CARD14: variants seen among roughly 807,000 people sequenced by gnomAD.
CARD14 encodes the protein caspase recruitment domain family member 14.
Under a neutral mutation model 111.5 loss-of-function variants are expected in CARD14, and 107 were observed. The ratio of observed to expected loss-of-function variants is 0.96; its 90% CI spans 0.82 to 1.13. The LOEUF is 1.13. CARD14 is among the 50% of genes most tolerant of loss of function. The pLI, the probability that CARD14 is intolerant of heterozygous loss-of-function variation, is 0.00. For synonymous variants in CARD14, 617 were observed against 579.6 expected (o/e 1.06, Z -0.93); for missense variants, 1,322 against 1,362.3 (o/e 0.97, Z 0.47).
intron 6 of CARD14, among the ~76,000 whole-genome samples, chr17:80,183,536 A>G (rs1461695877): frequency 3.3e-5 from 5 of 152,190 alleles, no homozygotes; most frequent in African/African-American, 4.8e-5. Flanking sequence ...GGAAGGTCAG[A>G]GTGGGTAACC....
Position 80,195,454 on chromosome 17 carries a change from C to G in CARD14, c.1500-104C>G. ...TATTGCAGGCAGCAGCTCCTGCCCT[C>G]GAAGCCCCAGAGCTGGCAGGTGCTG... is the stretch of plus-strand genomic sequence containing the variant. On this transcript the variant is annotated intron_variant, in intron 13 of 23. Transcript: ENST00000648509. The surrounding 1 kb of genome is among the most constrained non-coding windows in gnomAD (Gnocchi z 4.7). The G allele has an allele frequency of 1.3e-6, 2 of 1,500,956 alleles. No homozygotes were observed. Among genetic ancestry groups the G allele is most frequent in the African/African-American group, 2.8e-5 (2 of 72,598 alleles). The allele number at this position is 1,500,956 out of a possible 1,614,324, so 93.0% of individuals were successfully genotyped here. A position where few individuals can be genotyped will look rare whatever the true frequency, so the allele number is the denominator to read the frequency against.
At chr17:80,207,824 G>C (rs1166748091) in intron 23 of CARD14, 2 of 308,274 alleles carry the variant, frequency 6.5e-6, no homozygotes, top group Admixed American at 5.0e-5. Context: ...TCCACTTACT[G>C]GTGCTTGGCT....
intron 21 of CARD14, 65 bp from the exon 22 acceptor site, chr17:80,205,466 C>T: frequency 6.4e-7 from 1 of 1,550,704 alleles, no homozygotes; most frequent in Non-Finnish European, 8.7e-7. Context: ...GGGGTGTTTA[C>T]CATGGGACTC....
intron 7 of CARD14, 123 bp downstream of exon 7, chr17:80,184,361 G>A (rs145182867): frequency 2.5e-5 from 22 of 895,094 alleles, no homozygotes; most frequent in Admixed American, 2.5e-4. Context: ...TCCCTGCCCC[G>A]AGAGCCTTGG....
chr17:80,194,012 T>C (rs2040621150), intron 12 of CARD14, among the ~76,000 whole-genome samples: 1 of 152,022 alleles, frequency 6.6e-6, no homozygotes, highest in African/African-American at 2.4e-5. Context: ...AACTGACCGA[T>C]CAGCTGCCCT....
Position 80,195,398 on chromosome 17 carries a change from A to G in CARD14, c.1499+65A>G. 6.4e-7 allele frequency: 1 copy of G among 1,563,448 alleles called. No homozygotes were observed. The highest frequency in any genetic ancestry group is 8.7e-7 in the Non-Finnish European group (1 of 1,150,712). The stretch of plus-strand genomic sequence containing the variant: ...GGGGTCCTTCCTGGCAACTCACCAG[A>G]GACACCAACCTAGACCTCAGGGCAT... On this transcript the variant is annotated intron_variant, in intron 13 of 23. Transcript: ENST00000648509. This position sits in a 1 kb window ranked among gnomAD's most constrained non-coding sequence, Gnocchi z 4.7.
At chr17:80,176,459 AAG>A (rs2040028691) in intron 2 of CARD14, among the ~76,000 whole-genome samples, 6 of 150,486 alleles carry the variant, frequency 4.0e-5, no homozygotes, top group South Asian at 4.2e-4. Flanking sequence ...AAAAAAAAAA[AAG>A]GAAGAGCTAT....
chr17:80,192,226 GTA>G, intron 11 of CARD14: 1 of 322,298 alleles, frequency 3.1e-6, no homozygotes, highest in Non-Finnish European at 5.8e-6. Context: ...GTATGTGTGT[GTA>G]TTATACATTA....
In CARD14 at chr17:80,182,858, T is replaced by C; in HGVS notation, c.349+68T>C. ...ACCTCAGGCTCCTGGTAACCCCAGG[T>C]GCCCCGCTTACTTGCCGATTTGCCC... On this transcript the variant is annotated intron_variant, in intron 6 of 23. Transcript: ENST00000648509. This position sits in a 1 kb window ranked among gnomAD's most constrained non-coding sequence, Gnocchi z 4.7. 1 of 1,583,484 alleles carries C rather than the reference T, an allele frequency of 6.3e-7. No individual in the cohort carries two copies.
chr17:80,199,550 A>G (rs1386801687), intron 16 of CARD14, among the ~76,000 whole-genome samples: 2 of 128,996 alleles, frequency 1.6e-5, no homozygotes, highest in Admixed American at 1.7e-4. Context: ...TGACAGAGCA[A>G]AGCCTTGTCT....
intron 2 of CARD14, among the ~76,000 whole-genome samples, chr17:80,177,918 C>T (rs1348183768): frequency 1.3e-5 from 2 of 152,108 alleles, no homozygotes; most frequent in Admixed American, 6.6e-5. Flanking sequence ...ATTACGTTGG[C>T]AGAGACTTAT....
chr17:80,174,109 G>A (rs1052969989), intron 2 of CARD14, among the ~76,000 whole-genome samples: 5 of 152,160 alleles, frequency 3.3e-5, no homozygotes, highest in East Asian at 1.9e-4. Flanking sequence ...AGGCAGAGGC[G>A]GGAGGAGTGC....
chr17:80,190,589 G>T lies in CARD14; in HGVS notation c.964-185G>T, dbSNP rs572453520. Among the ~76,000 whole-genome samples, 3 of 151,188 alleles carry T rather than the reference G, an allele frequency of 2.0e-5. No homozygotes were observed. In the East Asian group the frequency reaches 5.8e-4, roughly 29 times the overall value. ...GATTGCGCCATTGCACTCCAGCCTT[G>T]GCATCGCAGCGAGTCTCTGTCTCAA... On this transcript the variant is annotated intron_variant, in intron 9 of 23. Coordinates refer to ENST00000648509, the MANE Select transcript of CARD14 (RefSeq NM_001366385.1).
intron 14 of CARD14, chr17:80,196,347 T>C (rs1264204756): frequency 6.6e-6 from 1 of 152,218 alleles, no homozygotes; most frequent in Non-Finnish European, 1.5e-5. Context: ...TGGGGACTCA[T>C]ACACGTTTTT....
chr17:80,197,689 A>G (rs935856179), intron 14 of CARD14, among the ~76,000 whole-genome samples: 1 of 152,240 alleles, frequency 6.6e-6, no homozygotes, highest in African/African-American at 2.4e-5. Flanking sequence ...CCAGGGTTAC[A>G]GCAGATATTT....
intron 1 of CARD14, among the ~76,000 whole-genome samples, chr17:80,171,462 C>T (rs1001900682): frequency 6.6e-6 from 1 of 151,882 alleles, no homozygotes; most frequent in African/African-American, 2.4e-5. Context: ...GGATTACAGG[C>T]CTGAGCCACT....
intron 20 of CARD14, chr17:80,204,832 G>C: frequency 1.8e-6 from 1 of 547,536 alleles, no homozygotes. Flanking sequence ...CCACAGAGCT[G>C]TGTAACCCCC....
intron 2 of CARD14, among the ~76,000 whole-genome samples, chr17:80,178,053 T>G (rs1206657529): frequency 6.6e-6 from 1 of 152,168 alleles, no homozygotes; most frequent in African/African-American, 2.4e-5. Context: ...GAAACAGGAC[T>G]GAGATCAGAA....
In CARD14 at chr17:80,207,001, A is replaced by G. The variant is rs775074934; in HGVS notation, c.2723A>G (p.Asp908Gly). 3 of 1,612,792 alleles carry G rather than the reference A, an allele frequency of 1.9e-6. No homozygotes were observed. The highest frequency in any genetic ancestry group is 2.5e-6 in the Non-Finnish European group (3 of 1,179,354). ...CATGCCCTCCTGGACGTCCAGCTGG[A>G]CAGTGTCTGCACCCTGCACAGGATG... is the stretch of plus-strand genomic sequence containing the variant. ...NTHALLDVQL[D>G]SVCTLHRMDI... Residue 908 changes from aspartate (D) to glycine (G), a missense_variant, in exon 23 of 24, where the codon GAC becomes GGC. Coordinates refer to ENST00000648509, the MANE Select transcript of CARD14 (RefSeq NM_001366385.1).
Sources: gnomAD v4.1 joint callset for allele counts (sites outside exome capture counted in the v4.1 genomes callset) on GRCh38, gnomAD v4.1.1 for gene constraint, Gnocchi (gnomAD v3.1) non-coding constraint, MANE v1.5 for transcripts, NCBI Gene and HGNC (gene_info 2026-07-23, HGNC 2026-07-21) for gene names.